The following G2E3 variants were observed in gnomAD, a reference collection of about 807,000 sequenced individuals.
The protein encoded by G2E3 is G2/M phase-specific E3 ubiquitin-protein ligase.
G2E3 carries 35 observed loss-of-function variants against 92.8 expected under a neutral mutation model. That is an observed-to-expected ratio of 0.38 (90% CI 0.29 to 0.50). The LOEUF is 0.50. G2E3 is among the 20% of genes least tolerant of loss of function. The pLI is 0.94. For synonymous variants in G2E3, 242 were observed against 272.4 expected (o/e 0.89, Z 1.10); for missense variants, 554 against 823.8 (o/e 0.67, Z 4.01).
At chr14:30,594,136 C>T (rs1594492263) in intron 6 of G2E3, among the ~76,000 whole-genome samples, 1 of 152,058 alleles carries the variant, frequency 6.6e-6, no homozygotes, top group African/African-American at 2.4e-5. Flanking sequence ...AGTCATCTTA[C>T]GTATCAAACC....
intron 3 of G2E3, 34 bp from the exon 4 acceptor site, chr14:30,589,349 A>G (rs1429974249): frequency 8.2e-7 from 1 of 1,214,448 alleles, no homozygotes; most frequent in Non-Finnish European, 1.2e-6. Context: ...CTAGTTTCTT[A>G]GAGTTTATTT....
At chr14:30,604,972 A>G (rs549926510) in intron 10 of G2E3, among the ~76,000 whole-genome samples, 120 of 152,186 alleles carry the variant, frequency 7.9e-4, no homozygotes, top group African/African-American at 2.6e-3. Context: ...TCTTGGCTCA[A>G]CGCAACCTCT....
chr14:30,593,854 CT>C (rs1881141463), intron 6 of G2E3, among the ~76,000 whole-genome samples: 1 of 151,962 alleles, frequency 6.6e-6, no homozygotes, highest in Non-Finnish European at 1.5e-5. Context: ...TCAGATGAAA[CT>C]TTTTAATGTA....
intron 1 of G2E3, among the ~76,000 whole-genome samples, chr14:30,572,271 A>T (rs574278444): frequency 1.4e-5 from 2 of 145,942 alleles, no homozygotes; most frequent in Non-Finnish European, 3.1e-5. Flanking sequence ...ATGTGAAAAC[A>T]GTTTTACTTC....
intron 7 of G2E3, 45 bp downstream of exon 7, chr14:30,597,571 G>C (rs927735451): frequency 1.4e-5 from 14 of 1,004,376 alleles, no homozygotes; most frequent in Non-Finnish European, 2.1e-5. Context: ...TATTTTAAAT[G>C]TAGGATTTAA....
intron 6 of G2E3, among the ~76,000 whole-genome samples, chr14:30,596,747 T>C (rs1054669817): frequency 6.6e-6 from 1 of 152,240 alleles, no homozygotes; most frequent in Non-Finnish European, 1.5e-5. Flanking sequence ...GTCGAAGCTG[T>C]CATGTTTTTT....
rs950476601 is a variant in G2E3 at position 30,619,307 on chromosome 14, CTT to C, written c.*2776_*2777del. 2 of 152,022 alleles carry C rather than the reference CTT, an allele frequency of 1.3e-5. No individual in the cohort carries two copies. Among genetic ancestry groups the C allele is most frequent in the African/African-American group, 2.4e-5 (1 of 41,438 alleles). The allele number at this position is 152,022 out of a possible 1,614,324, so 9.4% of individuals were successfully genotyped here. On this transcript the variant is annotated 3_prime_UTR_variant, in exon 15 of 15. Coordinates refer to ENST00000206595, the MANE Select transcript of G2E3 (RefSeq NM_017769.5). ...CCTAATTATATGGAAGCTATTGGAA[CTT>C]TTGTATTCAGTGCTAAATACTAAGT... is the stretch of plus-strand genomic sequence containing the variant.
At chr14:30,599,608 A>G (rs1454740487) in intron 8 of G2E3, among the ~76,000 whole-genome samples, 2 of 152,176 alleles carry the variant, frequency 1.3e-5, no homozygotes, top group African/African-American at 4.8e-5. Flanking sequence ...TCAACATATG[A>G]AGTGGGGAGA....
At position 30,612,244 on chromosome 14, in the gene G2E3, T is replaced by C. The variant is rs1882127517; in HGVS notation, c.1538T>C (p.Ile513Thr). 2 of 1,610,918 alleles carry C rather than the reference T, an allele frequency of 1.2e-6. No homozygotes were observed. The highest frequency in any genetic ancestry group is 2.7e-5 in the African/African-American group (2 of 74,984). Residue 513 changes from isoleucine (I) to threonine (T), a missense_variant, in exon 13 of 15, where the codon ATA becomes ACA. Physicochemically the swap from Ile to Thr is moderately conservative, Grantham distance 89 (BLOSUM62 -1). This residue lies in a region of G2E3 where 397 missense variants were observed against 560.3 expected (regional missense o/e 0.71). Transcript: ENST00000206595. ...ACAACTGTAGCTGACTTAAAGTCAA[T>C]AATAAATGAATGCTATAACTACCTT... ...TATTVADLKS[I>T]INECYNYLEL...
chr14:30,593,689 T>G, intron 6 of G2E3, 50 bp downstream of exon 6: 1 of 1,300,390 alleles, frequency 7.7e-7, no homozygotes, highest in South Asian at 1.3e-5. Flanking sequence ...AAATTATGGC[T>G]TGCTGATTTA....
At chr14:30,616,150 A>G in intron 14 of G2E3, 128 bp from the exon 15 acceptor site, 1 of 662,144 alleles carries the variant, frequency 1.5e-6, no homozygotes, top group South Asian at 1.9e-5. Flanking sequence ...TAGTTTGCCC[A>G]AAACAAATGT....
At position 30,592,422 on chromosome 14, in the gene G2E3, AT is replaced by A; in HGVS notation, c.341del (p.Phe114SerfsTer19). 1 of 1,587,898 alleles carries A rather than the reference AT, an allele frequency of 6.3e-7. No homozygotes were observed. The highest frequency in any genetic ancestry group is 1.9e-5 in the Admixed American group (1 of 52,778). ...HFPCGLQREC[I>X]FQFTGNFASF... ...CCCATGTGGACTTCAGAGAGAATGT[AT>A]TTTCCAGTTTACTGGCAATTTTGCG... On this transcript the variant is annotated frameshift_variant, in exon 5 of 15. Transcript: ENST00000206595. LOFTEE classifies it high-confidence loss of function.
At chr14:30,610,584 C>T (rs1478364855) in intron 12 of G2E3, among the ~76,000 whole-genome samples, 1 of 152,156 alleles carries the variant, frequency 6.6e-6, no homozygotes, top group Admixed American at 6.5e-5. Context: ...GCATGGGCAA[C>T]AGAGTGAGAC....
chr14:30,577,381 C>G (rs1349315073), intron 1 of G2E3, among the ~76,000 whole-genome samples: 1 of 152,024 alleles, frequency 6.6e-6, no homozygotes, highest in East Asian at 1.9e-4. Context: ...CCAGAACTTG[C>G]TGGTTTTAAA....
At chr14:30,579,251 C>G (rs556649063) in intron 1 of G2E3, among the ~76,000 whole-genome samples, 14 of 152,286 alleles carry the variant, frequency 9.2e-5, no homozygotes, top group Non-Finnish European at 1.5e-4. Flanking sequence ...AAATAGTACT[C>G]TAGACCTACT....
intron 10 of G2E3, among the ~76,000 whole-genome samples, chr14:30,603,260 A>C (rs1327652091): frequency 6.7e-6 from 1 of 148,940 alleles, no homozygotes; most frequent in Non-Finnish European, 1.5e-5. Context: ...CAGGAGGCGG[A>C]GGTTGCAGTC....
intron 1 of G2E3, among the ~76,000 whole-genome samples, chr14:30,578,812 A>G (rs564010248): frequency 6.6e-6 from 1 of 152,306 alleles, no homozygotes; most frequent in South Asian, 2.1e-4. Flanking sequence ...TTATCTTCCT[A>G]TTATATTTTA....
chr14:30,564,410 G>T (rs945925960), intron 1 of G2E3, among the ~76,000 whole-genome samples: 1 of 152,080 alleles, frequency 6.6e-6, no homozygotes, highest in African/African-American at 2.4e-5. Flanking sequence ...ATAGTTCACT[G>T]CAGCCTCCAA....
At chr14:30,564,342 G>A (rs1879303605) in intron 1 of G2E3, among the ~76,000 whole-genome samples, 1 of 151,886 alleles carries the variant, frequency 6.6e-6, no homozygotes, top group Admixed American at 6.6e-5. Flanking sequence ...TATAAAATTA[G>A]CCATTTTATT....
Sources: allele counts gnomAD v4.1 joint callset (sites outside exome capture counted in the v4.1 genomes callset), GRCh38; gene constraint gnomAD v4.1.1; regional missense constraint gnomAD v4.1.1; transcripts MANE v1.5; gene names NCBI Gene and HGNC (gene_info 2026-07-23, HGNC 2026-07-21).